The following ASTN2 variants were observed in gnomAD, a reference collection of about 807,000 sequenced individuals.
ASTN2 encodes the protein astrotactin 2, also known as astrotactin-2.
In ASTN2, 54 loss-of-function variants were observed where a neutral mutation model predicts 139.8. The observed-to-expected ratio is 0.39, with a 90% CI of 0.31 to 0.48. The LOEUF (loss-of-function observed/expected upper bound fraction) is 0.48. ASTN2 is among the 20% of genes least tolerant of loss of function. The pLI is 0.95. For missense variants in ASTN2, 1,565 were observed against 1,725.1 expected (o/e 0.91, Z 1.64); for synonymous variants, 756 against 719.5 (o/e 1.05, Z -0.81).
chr9:116,622,040 T>C (rs1856182565), intron 17 of ASTN2, among the ~76,000 whole-genome samples: 1 of 152,232 alleles, frequency 6.6e-6, no homozygotes, highest in Non-Finnish European at 1.5e-5. Flanking sequence ...GTTCCTATTT[T>C]TCATTTCTTT....
intron 3 of ASTN2, among the ~76,000 whole-genome samples, chr9:117,191,306 A>G (rs1831342426): frequency 6.6e-6 from 1 of 151,980 alleles, no homozygotes; most frequent in Non-Finnish European, 1.5e-5. Flanking sequence ...AATTACATGC[A>G]TGTTGAAATA....
chr9:117,271,292 G>A (rs1478650249), intron 2 of ASTN2, among the ~76,000 whole-genome samples: 1 of 152,204 alleles, frequency 6.6e-6, no homozygotes, highest in Non-Finnish European at 1.5e-5. Flanking sequence ...GATCTCATGA[G>A]ACTTATTCAC....
intron 17 of ASTN2, among the ~76,000 whole-genome samples, chr9:116,625,520 A>G (rs1016447017): frequency 2.6e-5 from 4 of 152,040 alleles, no homozygotes; most frequent in Admixed American, 2.6e-4. Context: ...TGGCCTTTGG[A>G]CTAGTCTCCC....
chr9:116,647,488 T>G (rs1857656212), intron 17 of ASTN2, among the ~76,000 whole-genome samples: 1 of 152,096 alleles, frequency 6.6e-6, no homozygotes, highest in Non-Finnish European at 1.5e-5. Flanking sequence ...GGATTTCCAA[T>G]AAGTTGAATA....
chr9:117,018,434 A>T (rs10759887), intron 6 of ASTN2, among the ~76,000 whole-genome samples: 102,192 of 151,944 alleles, frequency 0.67, 35,289 homozygotes, highest in Middle Eastern at 0.8. Flanking sequence ...TTCTTCCCCA[A>T]ATCTCTTTCA....
At chr9:116,898,077 G>A (rs925223585) in intron 10 of ASTN2, among the ~76,000 whole-genome samples, 9 of 151,852 alleles carry the variant, frequency 5.9e-5, no homozygotes, top group East Asian at 1.9e-4. Context: ...TGTCTAGTAC[G>A]TAGCCTAGTA....
At chr9:117,099,757 A>G (rs1828929289) in intron 4 of ASTN2, among the ~76,000 whole-genome samples, 2 of 152,186 alleles carry the variant, frequency 1.3e-5, no homozygotes, top group South Asian at 4.1e-4. Context: ...TGGCGGGTAA[A>G]TCTATTCCTT....
At chr9:117,044,238 CAA>C (rs572635660) in intron 5 of ASTN2, among the ~76,000 whole-genome samples, 1 of 152,034 alleles carries the variant, frequency 6.6e-6, no homozygotes, top group Admixed American at 6.6e-5. Context: ...AAGCAGAAGA[CAA>C]AAAGAGTAAA....
intron 10 of ASTN2, among the ~76,000 whole-genome samples, chr9:116,943,055 T>C (rs1474885447): frequency 1.3e-5 from 2 of 152,202 alleles, no homozygotes; most frequent in Admixed American, 6.5e-5. Context: ...TTCTTAACCA[T>C]ATTAAATCTG....
At chr9:117,135,219 T>C (rs1362249332) in intron 4 of ASTN2, among the ~76,000 whole-genome samples, 1 of 152,246 alleles carries the variant, frequency 6.6e-6, no homozygotes, top group Non-Finnish European at 1.5e-5. Flanking sequence ...TCTGAATTCA[T>C]AGCTCCACTA....
At chr9:117,064,923 A>T (rs995404442) in intron 5 of ASTN2, among the ~76,000 whole-genome samples, 5 of 151,994 alleles carry the variant, frequency 3.3e-5, no homozygotes, top group African/African-American at 1.2e-4. Context: ...TGGCTATTAC[A>T]AGACATGTCT....
At chr9:116,594,023 A>T (rs868851403) in intron 19 of ASTN2, among the ~76,000 whole-genome samples, 5 of 152,146 alleles carry the variant, frequency 3.3e-5, no homozygotes, top group Non-Finnish European at 5.9e-5. Flanking sequence ...ATATCTTTGC[A>T]CTTCCTGCCC....
At chr9:116,577,556 A>G (rs1325335107) in intron 19 of ASTN2, among the ~76,000 whole-genome samples, 2 of 152,150 alleles carry the variant, frequency 1.3e-5, no homozygotes, top group African/African-American at 4.8e-5. Context: ...AAGAAAAAGA[A>G]AAAAGAATGT....
chr9:116,941,190 C>G (rs1835218580), intron 10 of ASTN2, among the ~76,000 whole-genome samples: 1 of 144,130 alleles, frequency 6.9e-6, no homozygotes, highest in African/African-American at 2.6e-5. Context: ...AGTTTGAGAT[C>G]CATTAAGACT....
intron 12 of ASTN2, among the ~76,000 whole-genome samples, chr9:116,812,088 TACATAC>T (rs991378266): frequency 6.6e-6 from 1 of 152,168 alleles, no homozygotes; most frequent in African/African-American, 2.4e-5. Context: ...TGTGTGTGTG[TACATAC>T]ACACGTATTT....
intron 16 of ASTN2, among the ~76,000 whole-genome samples, chr9:116,692,068 G>T (rs1427365350): frequency 6.6e-6 from 1 of 152,184 alleles, no homozygotes; most frequent in Non-Finnish European, 1.5e-5. Flanking sequence ...ACACATAGTA[G>T]GTGCTTAGTA....
At chr9:116,897,711 G>C (rs942076162) in intron 10 of ASTN2, among the ~76,000 whole-genome samples, 1 of 151,354 alleles carries the variant, frequency 6.6e-6, no homozygotes, top group African/African-American at 2.4e-5. Context: ...AAATATTGCT[G>C]AGAGTAAAAA....
At chr9:117,012,851 A>G (rs1199901039) in intron 6 of ASTN2, among the ~76,000 whole-genome samples, 1 of 152,172 alleles carries the variant, frequency 6.6e-6, no homozygotes, top group African/African-American at 2.4e-5. Context: ...TAGCACCTAT[A>G]TGTGCTGTGC....
At chr9:116,942,842 G>A (rs1835279165) in intron 10 of ASTN2, among the ~76,000 whole-genome samples, 1 of 152,208 alleles carries the variant, frequency 6.6e-6, no homozygotes, top group Non-Finnish European at 1.5e-5. Context: ...CCCAGAGGCA[G>A]CAATGGCAGA....
Sources: allele counts gnomAD v4.1 joint callset (sites outside exome capture counted in the v4.1 genomes callset), GRCh38; gene constraint gnomAD v4.1.1; transcripts MANE v1.5; gene names NCBI Gene and HGNC (gene_info 2026-07-23, HGNC 2026-07-21).